Variants in PRKCH observed in about 807,000 individuals in gnomAD.
PRKCH encodes protein kinase C eta.
PRKCH carries 28 observed loss-of-function variants against 82.5 expected under a neutral mutation model. The ratio of observed to expected loss-of-function variants is 0.34; its 90% CI spans 0.25 to 0.47. The LOEUF is 0.47. PRKCH is among the 20% of genes least tolerant of loss of function. PRKCH has a pLI of 1.00. For missense variants in PRKCH, 705 were observed against 881.8 expected (o/e 0.80, Z 2.54); for synonymous variants, 322 against 327.4 (o/e 0.98, Z 0.18).
intron 1 of PRKCH, among the ~76,000 whole-genome samples, chr14:61,270,782 G>A (rs1173485188): frequency 6.6e-6 from 1 of 152,154 alleles, no homozygotes; most frequent in East Asian, 1.9e-4. Flanking sequence ...AGGCCAGTGA[G>A]GCCCACATAG....
At position 61,391,278 on chromosome 14, in the gene PRKCH, T is replaced by C; in HGVS notation, c.417T>C (p.Ser139=). The change falls in exon 2 of 14, where the codon AGT becomes AGC. Residue 139 remains serine, a synonymous_variant. Coordinates refer to ENST00000332981, the MANE Select transcript of PRKCH (RefSeq NM_006255.5). The part of the protein sequence containing the change: ...KVFVVITLTG[S]FTEATLQRDR... Reference sequence around the variant, plus strand: ...TTGTGGTAATAACCCTTACCGGGAGTTTCACTGAAGGTAAGAATGAGTTTT... The same window carrying C: ...TTGTGGTAATAACCCTTACCGGGAGCTTCACTGAAGGTAAGAATGAGTTTT... 2.5e-6 allele frequency: 4 copies of C among 1,609,588 alleles called. No individual in the cohort carries two copies. Among genetic ancestry groups the C allele is most frequent in the Non-Finnish European group, 3.4e-6 (4 of 1,178,126 alleles).
chr14:61,376,460 A>G lies in PRKCH; in HGVS notation c.364-14765A>G, dbSNP rs557568817. On this transcript the variant is annotated intron_variant, in intron 1 of 13. Transcript: ENST00000332981. ...CACATTTCTAATCTCCCTACAAATC[A>G]GTATTTTTAAAAACCAGAGTCATCC... 3.9e-5 allele frequency among the ~76,000 whole-genome samples: 6 copies of G among 152,304 alleles called. No individual in the cohort carries two copies. The South Asian group carries it at 1.2e-3, about 32-fold the overall frequency.
chr14:61,324,836 A>G (rs372514551), intron 1 of PRKCH, among the ~76,000 whole-genome samples: 1 of 152,196 alleles, frequency 6.6e-6, no homozygotes, highest in Admixed American at 6.5e-5. Flanking sequence ...TAGTTTATTC[A>G]GAGAGTTAAA....
At chr14:61,394,714 T>C (rs2046746362) in intron 2 of PRKCH, among the ~76,000 whole-genome samples, 1 of 152,210 alleles carries the variant, frequency 6.6e-6, no homozygotes, top group South Asian at 2.1e-4. Context: ...GTTTCAGTGA[T>C]AATAAGAATG....
chr14:61,491,955 A>T (rs1379932196), intron 10 of PRKCH, among the ~76,000 whole-genome samples: 1 of 152,252 alleles, frequency 6.6e-6, no homozygotes, highest in Non-Finnish European at 1.5e-5. Flanking sequence ...ATGAGAACCT[A>T]GAATAGGGTG....
At chr14:61,409,380 A>G (rs1206926512) in intron 2 of PRKCH, among the ~76,000 whole-genome samples, 2 of 152,148 alleles carry the variant, frequency 1.3e-5, no homozygotes, top group African/African-American at 4.8e-5. Flanking sequence ...ACAGAAATGC[A>G]ATGAGAACCT....
chr14:61,236,721 A>C (rs1281580209), intron 1 of PRKCH, among the ~76,000 whole-genome samples: 1 of 148,108 alleles, frequency 6.8e-6, no homozygotes, highest in Non-Finnish European at 1.5e-5. Context: ...AAAAAAAAAA[A>C]AAAAAAAAAA....
intron 1 of PRKCH, among the ~76,000 whole-genome samples, chr14:61,246,849 A>G (rs569084260): frequency 3.9e-5 from 6 of 152,186 alleles, no homozygotes; most frequent in African/African-American, 1.2e-4. Context: ...CAGCCTCCCA[A>G]TGTGCTGGGA....
intron 1 of PRKCH, among the ~76,000 whole-genome samples, chr14:61,329,192 C>T (rs1385627949): frequency 1.4e-5 from 2 of 146,412 alleles, no homozygotes; most frequent in Non-Finnish European, 3.0e-5. Context: ...TTTAAAACTC[C>T]TCCTCTGTGG....
Position 61,233,343 on chromosome 14 carries a change from A to G in PRKCH, c.-19+45675A>G, listed in dbSNP as rs574436316. On this transcript the variant is annotated intron_variant, in intron 1 of 3. Coordinates refer to the PRKCH transcript ENST00000555185. ...GAGATTGAGGCTGCAGTGAGCCATA[A>G]TCAAGCCACTGCACTCTGCTCTGGG... Among the ~76,000 whole-genome samples the G allele has an allele frequency of 1.5e-3, 225 of 152,064 alleles. 1 individual carries two copies. The highest frequency in any genetic ancestry group is 5.3e-3 in the African/African-American group (219 of 41,524).
intron 1 of PRKCH, among the ~76,000 whole-genome samples, chr14:61,196,209 T>A (rs771978453): frequency 2.6e-5 from 4 of 152,068 alleles, no homozygotes; most frequent in Non-Finnish European, 5.9e-5. Context: ...CATCTATAGA[T>A]GTTTTGGGAG....
At chr14:61,334,290 G>A (rs985498190) in intron 1 of PRKCH, among the ~76,000 whole-genome samples, 2 of 152,122 alleles carry the variant, frequency 1.3e-5, no homozygotes, top group South Asian at 2.1e-4. Flanking sequence ...CAGCACTGCC[G>A]CCCTAGCACA....
chr14:61,503,098 A>G (rs1014521383), intron 10 of PRKCH, among the ~76,000 whole-genome samples: 3 of 150,254 alleles, frequency 2.0e-5, no homozygotes, highest in Non-Finnish European at 4.4e-5. Context: ...GAGGAGGAAA[A>G]TTTTGACAAA....
intron 1 of PRKCH, among the ~76,000 whole-genome samples, chr14:61,362,308 T>C (rs1443234961): frequency 1.4e-5 from 2 of 146,384 alleles, no homozygotes; most frequent in African/African-American, 5.1e-5. Flanking sequence ...ATCACTGCAT[T>C]CCAGACTGGG....
rs368979067 is a variant in PRKCH, at chr14:61,275,173, A to G, written c.-19+87505A>G. ...TTGAAAATACTCATGGTCCATTCCAATGATTGTCATTGCCTCATCCAGAAG... is the reference window on the plus strand; with the variant it reads ...TTGAAAATACTCATGGTCCATTCCAGTGATTGTCATTGCCTCATCCAGAAG... On this transcript the variant is annotated intron_variant, in intron 1 of 3. Coordinates refer to the PRKCH transcript ENST00000555185. 9.2e-5 allele frequency among the ~76,000 whole-genome samples: 14 copies of G among 152,354 alleles called. No homozygotes were observed. In the East Asian group the frequency reaches 1.2e-3, roughly 13 times the overall value.
At chr14:61,234,037 T>G (rs2044767064) in intron 1 of PRKCH, among the ~76,000 whole-genome samples, 3 of 152,372 alleles carry the variant, frequency 2.0e-5, no homozygotes, top group African/African-American at 7.2e-5. Flanking sequence ...GGTGTAGCAC[T>G]GGCCTAGCAA....
At chr14:61,246,780 G>A (rs932371065) in intron 1 of PRKCH, among the ~76,000 whole-genome samples, 1 of 152,086 alleles carries the variant, frequency 6.6e-6, no homozygotes, top group African/African-American at 2.4e-5. Flanking sequence ...TAGAGACAGA[G>A]TCTCCCTATG....
At chr14:61,274,372 G>A (rs745434856) in intron 1 of PRKCH, among the ~76,000 whole-genome samples, 5 of 152,232 alleles carry the variant, frequency 3.3e-5, no homozygotes, top group Non-Finnish European at 4.4e-5. Flanking sequence ...TCTCCTGTAG[G>A]CTGTGGGTAG....
At chr14:61,219,110 T>A (rs2044636735) in intron 1 of PRKCH, among the ~76,000 whole-genome samples, 1 of 152,156 alleles carries the variant, frequency 6.6e-6, no homozygotes, top group African/African-American at 2.4e-5. Context: ...TTCAACAACC[T>A]CCTTTGGCTC....
Sources: allele counts gnomAD v4.1 joint callset (sites outside exome capture counted in the v4.1 genomes callset), GRCh38; gene constraint gnomAD v4.1.1; transcripts MANE v1.5; gene names NCBI Gene and HGNC (gene_info 2026-07-23, HGNC 2026-07-21).